MTFR1: variants seen among roughly 807,000 people sequenced by gnomAD.
MTFR1 encodes the protein chondrocyte protein with a poly-proline region.
Under a neutral mutation model 38.8 loss-of-function variants are expected in MTFR1, and 28 were observed. The observed-to-expected ratio is 0.72, with a 90% confidence interval of 0.53 to 0.99. The LOEUF is 0.99. MTFR1 is among the 50% of genes least tolerant of loss of function. The pLI, the probability that MTFR1 is intolerant of heterozygous loss-of-function variation, is 0.00. For missense variants in MTFR1, 358 were observed against 395.5 expected, an observed-to-expected ratio of 0.91 and a Z score of 0.81; for synonymous variants, 145 against 137.0, an observed-to-expected ratio of 1.06 and a Z score of -0.41.
chr8:65,746,411 A>G (rs1038838479), intron 3 of MTFR1, among the ~76,000 whole-genome samples: 1 of 152,208 alleles, frequency 6.6e-6, no homozygotes, highest in African/African-American at 2.4e-5. Flanking sequence ...GTTTTTAAAA[A>G]AACACTTCTA....
chr8:65,646,619 C>T (rs1220804514), intron 1 of MTFR1, among the ~76,000 whole-genome samples: 2 of 152,158 alleles, frequency 1.3e-5, no homozygotes, highest in African/African-American at 2.4e-5. Flanking sequence ...CTCAGCCGAG[C>T]ACTTTGCAAA....
At chr8:65,705,696 C>T (rs1333691342) in intron 5 of MTFR1, among the ~76,000 whole-genome samples, 1 of 152,208 alleles carries the variant, frequency 6.6e-6, no homozygotes, top group African/African-American at 2.4e-5. Flanking sequence ...CCTGCCTTTA[C>T]TGCTCTAAAA....
At chr8:65,673,792 G>T (rs1804633294) in intron 2 of MTFR1, among the ~76,000 whole-genome samples, 1 of 152,030 alleles carries the variant, frequency 6.6e-6, no homozygotes, top group Non-Finnish European at 1.5e-5. Flanking sequence ...TGTAGTCCCA[G>T]CTACTCAGGA....
At chr8:65,724,286 A>G in intron 3 of MTFR1, 3 of 1,612,156 alleles carry the variant, frequency 1.9e-6, no homozygotes, top group Non-Finnish European at 2.5e-6. Flanking sequence ...TTACTTTTTC[A>G]CTCCACTGCT....
chr8:65,659,934 C>T (rs1013692631), intron 1 of MTFR1, among the ~76,000 whole-genome samples: 1 of 151,986 alleles, frequency 6.6e-6, no homozygotes, highest in African/African-American at 2.4e-5. Flanking sequence ...TATCTCTAGC[C>T]GACACTTAAG....
intron 3 of MTFR1, among the ~76,000 whole-genome samples, chr8:65,750,474 C>CTGTGTGTGTGTGTGTGTG (rs371620919): frequency 8.0e-4 from 114 of 142,710 alleles, no homozygotes; most frequent in Non-Finnish European, 9.3e-4. Context: ...ATTAGAATCA[C>CTGTGTGTGTGTGTGTGTG]TGTGTGTGTG....
At chr8:65,726,739 ATAATT>A in intron 3 of MTFR1, 1 of 538,572 alleles carries the variant, frequency 1.9e-6, no homozygotes, top group Admixed American at 3.4e-5. Flanking sequence ...AAAATTGTAT[ATAATT>A]TATTAAATTT....
intron 3 of MTFR1, 26 bp from the exon 4 acceptor site, chr8:65,693,618 G>T: frequency 1.9e-6 from 3 of 1,596,370 alleles, no homozygotes; most frequent in South Asian, 2.2e-5. Context: ...CTTTGGTGAA[G>T]AACTTTCCCT....
chr8:65,773,852 T>C (rs2063685), downstream of MTFR1, among the ~76,000 whole-genome samples: 64,498 of 152,004 alleles, frequency 0.42, 17,176 homozygotes, highest in African/African-American at 0.76. Context: ...CTAACAGTTA[T>C]ATTTTTCGAA....
intron 3 of MTFR1, among the ~76,000 whole-genome samples, chr8:65,764,070 C>T (rs976242017): frequency 6.6e-6 from 1 of 152,082 alleles, no homozygotes; most frequent in African/African-American, 2.4e-5. Flanking sequence ...ATACATGGGG[C>T]AGAATGCTCT....
chr8:65,710,426 T>G lies in MTFR1; in HGVS notation c.*1382T>G, dbSNP rs1340385477. On this transcript the variant is annotated 3_prime_UTR_variant, in exon 8 of 8. Transcript: ENST00000262146. ...GGTTTAAAATTCTCTTTAACAAAAT[T>G]CAGAAAATTCACCTGAAACGTATTT... The G allele has an allele frequency of 6.6e-6, 1 of 152,624 alleles. No homozygotes were observed. The highest frequency in any genetic ancestry group is 6.5e-5 in the Admixed American group (1 of 15,286). The allele number at this position is 152,624 out of a possible 1,614,324, so 9.5% of individuals were successfully genotyped here.
chr8:65,705,251 G>C (rs934820085), intron 5 of MTFR1, among the ~76,000 whole-genome samples: 4 of 152,182 alleles, frequency 2.6e-5, no homozygotes, highest in African/African-American at 4.8e-5. Context: ...TTGAACCTGG[G>C]GGGTGGAGAA....
chr8:65,658,783 C>T (rs1026129758), intron 1 of MTFR1, among the ~76,000 whole-genome samples: 2 of 152,078 alleles, frequency 1.3e-5, no homozygotes, highest in African/African-American at 4.8e-5. Context: ...AGCAAATATC[C>T]ATGTAATGAC....
chr8:65,710,796 T>C (rs2129060645), downstream of MTFR1, among the ~76,000 whole-genome samples: 1 of 152,258 alleles, frequency 6.6e-6, no homozygotes, highest in Non-Finnish European at 1.5e-5. Context: ...AATCTACTTC[T>C]GAGATTGGTG....
At chr8:65,734,005 A>G (rs1807019244) in intron 3 of MTFR1, among the ~76,000 whole-genome samples, 1 of 152,210 alleles carries the variant, frequency 6.6e-6, no homozygotes, top group African/African-American at 2.4e-5. Flanking sequence ...ACCTGCAGAC[A>G]ATGATTCCCA....
chr8:65,708,220 A>T, intron 7 of MTFR1: 1 of 1,007,346 alleles, frequency 9.9e-7, no homozygotes, highest in Non-Finnish European at 1.4e-6. Flanking sequence ...TTTTCTAACT[A>T]TGAAAATAAT....
At chr8:65,655,971 A>ATATATATATATATATATATG (rs1809256559) in intron 1 of MTFR1, among the ~76,000 whole-genome samples, 1 of 5,058 alleles carries the variant, frequency 2.0e-4, no homozygotes, top group African/African-American at 2.3e-3. Context: ...TATATATACC[A>ATATATATATATATATATATG]TATATATATA....
intron 2 of MTFR1, among the ~76,000 whole-genome samples, chr8:65,677,867 T>C (rs1804759451): frequency 6.6e-6 from 1 of 151,214 alleles, no homozygotes; most frequent in African/African-American, 2.4e-5. Context: ...AATACAAAAA[T>C]AAGCCAGGTG....
At chr8:65,721,129 G>T (rs1806360399) in intron 3 of MTFR1, among the ~76,000 whole-genome samples, 1 of 151,806 alleles carries the variant, frequency 6.6e-6, no homozygotes, top group South Asian at 2.1e-4. Context: ...TGGAGGGCAG[G>T]ACTCTGTTAA....
Sources: allele counts gnomAD v4.1 joint callset (sites outside exome capture counted in the v4.1 genomes callset), GRCh38; gene constraint gnomAD v4.1.1; transcripts MANE v1.5; gene names NCBI Gene and HGNC (gene_info 2026-07-23, HGNC 2026-07-21).